GABBR2: variants seen among roughly 807,000 people sequenced by gnomAD.
GABBR2 encodes the protein gamma-aminobutyric acid type B receptor subunit 2, also known as G-protein coupled receptor 51.
GABBR2 carries 23 observed loss-of-function variants against 105.6 expected under a neutral mutation model. The ratio of observed to expected loss-of-function variants is 0.22; its 90% confidence interval spans 0.16 to 0.31. GABBR2 has a LOEUF of 0.31. Ranked by LOEUF, GABBR2 falls within the 10% of genes least tolerant of loss-of-function variation. GABBR2 has a pLI of 1.00. For missense variants in GABBR2, 734 were observed against 1,245.5 expected, an observed-to-expected ratio of 0.59 and a Z score of 6.18; for synonymous variants, 478 against 499.7, an observed-to-expected ratio of 0.96 and a Z score of 0.58.
chr9:98,414,939 G>A (rs1832661192), intron 7 of GABBR2, among the ~76,000 whole-genome samples: 1 of 152,196 alleles, frequency 6.6e-6, no homozygotes, highest in South Asian at 2.1e-4. Context: ...CACGTGGAAA[G>A]GCTAACAACC....
intron 3 of GABBR2, among the ~76,000 whole-genome samples, chr9:98,530,612 G>A (rs2779590): frequency 0.96 from 146,738 of 152,304 alleles, 70,747 homozygotes; most frequent in African/African-American, 0.99. Context: ...ACTCTGTCTC[G>A]ACAAAAAATA....
intron 7 of GABBR2, among the ~76,000 whole-genome samples, chr9:98,434,932 A>G (rs1825874786): frequency 6.6e-6 from 1 of 152,158 alleles, no homozygotes; most frequent in Non-Finnish European, 1.5e-5. Flanking sequence ...TTCTGTAGGT[A>G]GGGGCAGCAC....
intron 13 of GABBR2, among the ~76,000 whole-genome samples, chr9:98,345,124 C>T (rs1266188012): frequency 1.3e-5 from 2 of 152,180 alleles, no homozygotes; most frequent in East Asian, 3.9e-4. Flanking sequence ...CTGCTCCCTA[C>T]ATAGCTCTCA....
At chr9:98,429,121 G>GGTGTGT (rs56248488) in intron 7 of GABBR2, among the ~76,000 whole-genome samples, 3,425 of 145,562 alleles carry the variant, frequency 0.024, 85 homozygotes, top group East Asian at 0.11. Flanking sequence ...CCAGGTTTTT[G>GGTGTGT]GTGTGTGTGT....
At chr9:98,519,305 G>A (rs1217792626) in intron 3 of GABBR2, among the ~76,000 whole-genome samples, 1 of 152,232 alleles carries the variant, frequency 6.6e-6, no homozygotes, top group Non-Finnish European at 1.5e-5. Context: ...GGTGCCCAGC[G>A]TTTCAAGGGG....
intron 9 of GABBR2, among the ~76,000 whole-genome samples, chr9:98,391,920 T>C (rs1386331875): frequency 1.3e-5 from 2 of 152,060 alleles, no homozygotes; most frequent in Non-Finnish European, 2.9e-5. Flanking sequence ...GAGGGAAGGC[T>C]AGCACAGCTG....
chr9:98,383,491 G>T (rs1424725714), intron 11 of GABBR2, among the ~76,000 whole-genome samples: 1 of 152,168 alleles, frequency 6.6e-6, no homozygotes, highest in African/African-American at 2.4e-5. Flanking sequence ...TCTTGAGTGG[G>T]AAGAGTGAAC....
At chr9:98,457,649 A>G (rs2808542) in intron 6 of GABBR2, among the ~76,000 whole-genome samples, 109,613 of 152,024 alleles carry the variant, frequency 0.72, 40,078 homozygotes, top group East Asian at 0.9. Context: ...CCTTGGAATC[A>G]GACACAGGTG....
rs61216428 is a variant in GABBR2 at position 98,390,375 on chromosome 9, C to CAAAAAAAAAAAAAAAAAAAAAAAA, written c.1379-1395_1379-1372dup. On this transcript the variant is annotated intron_variant, in intron 9 of 18. Coordinates refer to ENST00000259455, the MANE Select transcript of GABBR2 (RefSeq NM_005458.8). ...GGTGACAGAGCAAGACTCCATCTCA[C>CAAAAAAAAAAAAAAAAAAAAAAAA]AAAAAAAAAAAAAAAAAAAAAAAAA... 5.5e-4 allele frequency among the ~76,000 whole-genome samples: 18 copies of CAAAAAAAAAAAAAAAAAAAAAAAA among 32,438 alleles called. 1 individual carries two copies. Among genetic ancestry groups the CAAAAAAAAAAAAAAAAAAAAAAAA allele is most frequent in the African/African-American group, 1.7e-3 (17 of 9,948 alleles). 21.3% of individuals were successfully genotyped at this position (32,438 alleles called of 152,430 possible). A position where few individuals can be genotyped will look rare whatever the true frequency, so the allele number is the denominator to read the frequency against.
chr9:98,340,715 C>T (rs1831197586), intron 13 of GABBR2, among the ~76,000 whole-genome samples: 3 of 152,198 alleles, frequency 2.0e-5, no homozygotes, highest in African/African-American at 7.2e-5. Context: ...GCTGAAGGAG[C>T]ACCCTGATGA....
intron 7 of GABBR2, among the ~76,000 whole-genome samples, chr9:98,415,935 C>T (rs994741729): frequency 3.9e-5 from 6 of 152,076 alleles, no homozygotes; most frequent in Admixed American, 2.0e-4. Context: ...GAGTAAGTAC[C>T]ACGTGACCTT....
intron 3 of GABBR2, among the ~76,000 whole-genome samples, chr9:98,508,414 G>T (rs1353432890): frequency 6.6e-6 from 1 of 152,266 alleles, no homozygotes; most frequent in African/African-American, 2.4e-5. Flanking sequence ...CAGACAGTAA[G>T]TGCAGGACAG....
chr9:98,562,303 A>G (rs978555394), intron 2 of GABBR2, among the ~76,000 whole-genome samples: 1 of 152,220 alleles, frequency 6.6e-6, no homozygotes, highest in Non-Finnish European at 1.5e-5. Context: ...CACTGTCCTG[A>G]AAGCCAAAAA....
intron 18 of GABBR2, 25 bp downstream of exon 18, chr9:98,293,759 AT>A: frequency 8.2e-7 from 1 of 1,218,646 alleles, no homozygotes. Context: ...TTCTTCAGTT[AT>A]AATTCTCAAG....
intron 5 of GABBR2, among the ~76,000 whole-genome samples, chr9:98,477,038 T>C (rs1226601595): frequency 6.6e-6 from 1 of 152,140 alleles, no homozygotes; most frequent in East Asian, 1.9e-4. Context: ...GCTGAGGTTG[T>C]TGGACACATG....
chr9:98,432,358 T>C (rs1351072704), intron 7 of GABBR2, among the ~76,000 whole-genome samples: 3 of 151,996 alleles, frequency 2.0e-5, no homozygotes. Context: ...GCTTGGCAGA[T>C]GGAAGGGAGG....
chr9:98,655,956 C>T (rs972220187), intron 1 of GABBR2, among the ~76,000 whole-genome samples: 1 of 152,170 alleles, frequency 6.6e-6, no homozygotes, highest in Admixed American at 6.5e-5. Context: ...GCATGTTCTG[C>T]CCATGTATCC....
chr9:98,384,129 GTCT>G, intron 11 of GABBR2, among the ~76,000 whole-genome samples: 1 of 152,290 alleles, frequency 6.6e-6, no homozygotes, highest in East Asian at 1.9e-4. Flanking sequence ...TCTAGCTCTG[GTCT>G]TCCAGGCAGG....
At chr9:98,318,712 G>C (rs966748524) in intron 13 of GABBR2, among the ~76,000 whole-genome samples, 4 of 152,340 alleles carry the variant, frequency 2.6e-5, no homozygotes, top group African/African-American at 9.6e-5. Flanking sequence ...GCTCCTTTGA[G>C]GGAGGGGGTG....
Sources: allele counts gnomAD v4.1 joint callset (sites outside exome capture counted in the v4.1 genomes callset), GRCh38; gene constraint gnomAD v4.1.1; transcripts MANE v1.5; gene names NCBI Gene and HGNC (gene_info 2026-07-23, HGNC 2026-07-21).